The following DOCK11 variants were observed in gnomAD, a reference collection of about 807,000 sequenced individuals.
DOCK11 encodes dedicator of cytokinesis protein 11.
A neutral mutation model predicts 169.1 loss-of-function variants in DOCK11; 70 were observed. That is an observed-to-expected ratio of 0.41 (90% CI 0.34 to 0.51). The LOEUF (loss-of-function observed/expected upper bound fraction) is 0.51, where lower values mean the gene tolerates loss of function less well. Ranked by LOEUF, DOCK11 falls within the 20% of genes least tolerant of loss-of-function variation. The pLI is 0.10. For synonymous variants in DOCK11, 529 were observed against 541.3 expected (o/e 0.98, Z 0.32); for missense variants, 1,166 against 1,538.8 (o/e 0.76, Z 4.05).
chrX:118,674,342 C>T (rs1419279521), intron 46 of DOCK11, among the ~76,000 whole-genome samples: 1 of 111,474 alleles, frequency 9.0e-6, no homozygotes. Flanking sequence ...GATGGGGTTT[C>T]ACCATGTTGT....
intron 46 of DOCK11, among the ~76,000 whole-genome samples, chrX:118,672,825 T>C (rs1474155564): frequency 8.9e-6 from 1 of 112,453 alleles, no homozygotes; most frequent in Non-Finnish European, 1.9e-5. Flanking sequence ...ATAATCTGAG[T>C]AGTGTTTTCA....
Position 118,616,628 on chromosome X carries a change from G to T in DOCK11, c.3292+917G>T, listed in dbSNP as rs1273626098. On this transcript the variant is annotated intron_variant, in intron 30 of 52. Transcript: ENST00000276202. ...TTAGTGACACCTTGGCCACAATTTTGCAGGTGTAGATGAAACCACCTGATT... is the reference window on the plus strand; with the variant it reads ...TTAGTGACACCTTGGCCACAATTTTTCAGGTGTAGATGAAACCACCTGATT... Among the ~76,000 whole-genome samples the T allele has an allele frequency of 4.6e-5, 5 of 108,481 alleles. No individual in the cohort carries two copies. The East Asian group carries it at 1.5e-3, about 32-fold the overall frequency. The allele number at this position is 108,481 out of a possible 115,157, so 94.2% of individuals were successfully genotyped here.
rs1194410149 is a variant in DOCK11 at position 118,643,405 on chromosome X, C to CA, written c.4261-51dup. ...TTTCATAAACAGGTATTGGTGAAAT[C>CA]AGTTCTGTCATTCTCAGTGGGGCAT... is the stretch of plus-strand genomic sequence containing the variant. On this transcript the variant is annotated intron_variant, in intron 39 of 52. Coordinates refer to ENST00000276202, the MANE Select transcript of DOCK11 (RefSeq NM_144658.4). 7.8e-5 allele frequency: 88 copies of CA among 1,122,646 alleles called. No homozygotes were observed. The African/African-American group carries it at 1.4e-3, about 17-fold the overall frequency. The allele number at this position is 1,122,646 out of a possible 1,213,427, so 92.5% of individuals were successfully genotyped here. A position where few individuals can be genotyped will look rare whatever the true frequency, so the allele number is the denominator to read the frequency against.
intron 6 of DOCK11, among the ~76,000 whole-genome samples, chrX:118,549,106 C>CTGTGTGTGTGTGTGTGTATGTGTG (rs1556273225): frequency 3.0e-5 from 3 of 99,121 alleles, no homozygotes; most frequent in African/African-American, 1.2e-4. Context: ...TGCTCATATT[C>CTGTGTGTGTGTGTGTGTATGTGTG]TGTGTGTGTG....
intron 1 of DOCK11, among the ~76,000 whole-genome samples, chrX:118,532,796 A>G (rs2011629921): frequency 9.5e-6 from 1 of 105,153 alleles, no homozygotes; most frequent in Non-Finnish European, 2.0e-5. Context: ...AAAAAAAAAA[A>G]AAGAAGGTGT....
chrX:118,628,760 TA>T (rs911827279), intron 34 of DOCK11, among the ~76,000 whole-genome samples: 2 of 112,796 alleles, frequency 1.8e-5, no homozygotes, highest in African/African-American at 6.4e-5. Context: ...CGCCTACCAT[TA>T]AAGTTTGAGA....
chrX:118,674,227 C>T (rs1267569779), intron 46 of DOCK11, among the ~76,000 whole-genome samples: 5 of 110,771 alleles, frequency 4.5e-5, no homozygotes, highest in African/African-American at 9.9e-5. Flanking sequence ...CTCAGCTCAC[C>T]GCAACCTCCG....
intron 1 of DOCK11, among the ~76,000 whole-genome samples, chrX:118,509,601 A>G (rs1261275641): frequency 8.9e-6 from 1 of 112,333 alleles, no homozygotes; most frequent in African/African-American, 3.2e-5. Flanking sequence ...CTCAGAGGAG[A>G]CAAAGTGCCT....
At position 118,652,028 on chromosome X, in the gene DOCK11, A is replaced by T; in HGVS notation, c.4646A>T (p.Glu1549Val). The change falls in exon 42 of 53, where the codon GAG becomes GTG. Residue 1549 changes from glutamate to valine, a missense_variant. Transcript: ENST00000276202. ...VALSGGSRFQ[E>V]SLFIINNFAN... ...CTAAGCGGAGGATCAAGATTTCAGG[A>T]GTCTTTATTCATTATCAATAATTTT... is the stretch of plus-strand genomic sequence containing the variant. 10 of 1,206,458 alleles carry T rather than the reference A, an allele frequency of 8.3e-6. No individual in the cohort carries two copies. Among genetic ancestry groups the T allele is most frequent in the Non-Finnish European group, 1.1e-5 (10 of 892,358 alleles).
intron 27 of DOCK11, 98 bp downstream of exon 27, chrX:118,609,447 C>G (rs2014622709): frequency 1.6e-6 from 1 of 618,537 alleles, no homozygotes; most frequent in Non-Finnish European, 2.4e-6. Flanking sequence ...TAATCTTACT[C>G]TCAGATAGCC....
Position 118,685,981 on chromosome X carries a change from C to T in DOCK11, c.*174C>T. On this transcript the variant is annotated 3_prime_UTR_variant, in exon 53 of 53. Transcript: ENST00000276202. ...TTGTAAATAAGCAACTTGAAAGTGC[C>T]TGGAAAATTGCACCACTGTGCTTGG... 3.6e-6 allele frequency: 2 copies of T among 552,341 alleles called. No homozygotes were observed. The highest frequency in any genetic ancestry group is 2.7e-6 in the Non-Finnish European group (1 of 371,897). 45.5% of individuals were successfully genotyped at this position (552,341 alleles called of 1,213,427 possible).
rs760584999 is a variant in DOCK11 at position 118,676,031 on chromosome X, A to C, written c.5295A>C (p.Arg1765Ser). The C allele has an allele frequency of 1.7e-6, 2 of 1,189,014 alleles. No homozygotes were observed. Among genetic ancestry groups the C allele is most frequent in the Non-Finnish European group, 1.1e-6 (1 of 884,405 alleles). ...AGAGACTTTTAGGCACTTTCTTCAG[A>C]GTTGCCTTTTATGGCCAAGTAAGTG... ...TKKRLLGTFF[R>S]VAFYGQSFFE... The change falls in exon 47 of 53, where the codon AGA becomes AGC. Residue 1765 changes from arginine to serine, a missense_variant. Physicochemically the swap from Arg to Ser is moderately radical, Grantham distance 110. Coordinates refer to ENST00000276202, the MANE Select transcript of DOCK11 (RefSeq NM_144658.4).
chrX:118,618,795 T>C, intron 31 of DOCK11, 67 bp downstream of exon 31: 1 of 911,778 alleles, frequency 1.1e-6, no homozygotes, highest in Non-Finnish European at 1.5e-6. Flanking sequence ...TTATAGAAGA[T>C]GAAGTTTTTG....
chrX:118,601,600 C>T (rs1174881845), intron 23 of DOCK11, among the ~76,000 whole-genome samples: 2 of 111,190 alleles, frequency 1.8e-5, no homozygotes, highest in East Asian at 2.8e-4. Context: ...TTCATATATA[C>T]GGGTATTCTT....
intron 23 of DOCK11, among the ~76,000 whole-genome samples, chrX:118,604,096 T>C (rs1356907904): frequency 8.9e-6 from 1 of 111,776 alleles, no homozygotes; most frequent in Non-Finnish European, 1.9e-5. Flanking sequence ...CTCTGACCAC[T>C]AGATGTCAGT....
At chrX:118,578,769 G>A in intron 13 of DOCK11, 122 bp downstream of exon 13, 1 of 665,725 alleles carries the variant, frequency 1.5e-6, no homozygotes, top group Non-Finnish European at 2.1e-6. Flanking sequence ...TACTGTGTAT[G>A]TTTGCTAAAA....
chrX:118,648,080 A>AATATAAATTGTAATATTATACAATATAT (rs2015821347), intron 40 of DOCK11, among the ~76,000 whole-genome samples: 1 of 60,188 alleles, frequency 1.7e-5, no homozygotes, highest in African/African-American at 8.4e-5. Flanking sequence ...TAATATATAT[A>AATATAAATTGTAATATTATACAATATAT]ATATAAATTG....
intron 44 of DOCK11, among the ~76,000 whole-genome samples, chrX:118,661,209 CA>C (rs752353678): frequency 0.028 from 1,892 of 68,412 alleles, 37 homozygotes; most frequent in African/African-American, 0.08. Flanking sequence ...ACTCTGTCTC[CA>C]AAAAAAAAAA....
chrX:118,534,827 A>G (rs961328546), intron 1 of DOCK11, among the ~76,000 whole-genome samples: 2 of 111,780 alleles, frequency 1.8e-5, no homozygotes, highest in African/African-American at 6.5e-5. Flanking sequence ...GAGGATATTG[A>G]GGTGAATTAG....
Sources: gnomAD v4.1 joint callset for allele counts (sites outside exome capture counted in the v4.1 genomes callset) on GRCh38, gnomAD v4.1.1 for gene constraint, MANE v1.5 for transcripts, NCBI Gene and HGNC (gene_info 2026-07-23, HGNC 2026-07-21) for gene names.